The following LRCH3 variants were observed in gnomAD, a reference collection of about 807,000 sequenced individuals.
LRCH3 encodes DISP complex protein LRCH3.
A neutral mutation model predicts 104.5 loss-of-function variants in LRCH3; 68 were observed. The observed-to-expected ratio is 0.65, with a 90% CI of 0.54 to 0.80. The LOEUF (loss-of-function observed/expected upper bound fraction) is 0.80. LRCH3 is among the 30% of genes least tolerant of loss of function. LRCH3 has a pLI of 0.00. For synonymous variants in LRCH3, 344 were observed against 361.3 expected, an observed-to-expected ratio of 0.95 and a Z score of 0.54; for missense variants, 951 against 953.9, an observed-to-expected ratio of 1.00 and a Z score of 0.04.
chr3:197,834,259 A>G (rs1307079490), intron 8 of LRCH3, among the ~76,000 whole-genome samples: 1 of 152,234 alleles, frequency 6.6e-6, no homozygotes, highest in Non-Finnish European at 1.5e-5. Flanking sequence ...GGGATTCCCA[A>G]ACTTAGCAGA....
intron 17 of LRCH3, among the ~76,000 whole-genome samples, chr3:197,867,309 C>G (rs544634079): frequency 6.6e-6 from 1 of 151,964 alleles, no homozygotes; most frequent in Non-Finnish European, 1.5e-5. Flanking sequence ...ATCCCAGCTA[C>G]TCGGGAGGCT....
intron 1 of LRCH3, among the ~76,000 whole-genome samples, chr3:197,799,203 GT>G (rs142453634): frequency 2.0e-3 from 304 of 152,278 alleles, no homozygotes; most frequent in Middle Eastern, 3.4e-3. Flanking sequence ...GATGGTTAAC[GT>G]TACTTCATGT....
chr3:197,793,295 T>C (rs1359042477), intron 1 of LRCH3, among the ~76,000 whole-genome samples: 1 of 152,162 alleles, frequency 6.6e-6, no homozygotes, highest in Non-Finnish European at 1.5e-5. Context: ...ATTTAATCTC[T>C]TTTTGGAAAC....
At chr3:197,808,580 A>G (rs1181692497) in intron 1 of LRCH3, among the ~76,000 whole-genome samples, 1 of 152,166 alleles carries the variant, frequency 6.6e-6, no homozygotes, top group African/African-American at 2.4e-5. Flanking sequence ...TGCTGGATAT[A>G]TATACAATTC....
chr3:197,882,463 T>G (rs1713853608), intron 20 of LRCH3: 1 of 950,410 alleles, frequency 1.1e-6, no homozygotes, highest in Admixed American at 6.2e-5. Context: ...TTGTTATATA[T>G]TTTATTGTAA....
intron 1 of LRCH3, among the ~76,000 whole-genome samples, chr3:197,797,503 A>G (rs928523017): frequency 2.0e-5 from 3 of 152,162 alleles, no homozygotes; most frequent in Admixed American, 2.0e-4. Flanking sequence ...AAGAGGAATC[A>G]GTCTGGGAAA....
rs181382902 is a variant in LRCH3, at chr3:197,871,899, G to A, written c.2130+437G>A. Among the ~76,000 whole-genome samples, 481 of 152,280 alleles carry A rather than the reference G, an allele frequency of 3.2e-3. 3 individuals are homozygous for A. The highest frequency in any genetic ancestry group is 2.2e-3 in the Non-Finnish European group (151 of 68,020). ...ATTGGTAAATTGTTCAGAATGGATC[G>A]TGCACAGGGTTGTAATACAAATGGT... On this transcript the variant is annotated intron_variant, in intron 19 of 20. Transcript: ENST00000425562.
At chr3:197,825,463 G>GTTT (rs1491060533) in intron 4 of LRCH3, among the ~76,000 whole-genome samples, 5 of 29,388 alleles carry the variant, frequency 1.7e-4, no homozygotes, top group South Asian at 1.1e-3. Flanking sequence ...GATCCTCTTT[G>GTTT]ATTTTTTTTT....
At chr3:197,881,136 C>A in intron 20 of LRCH3, 2 of 1,021,424 alleles carry the variant, frequency 2.0e-6, no homozygotes, top group South Asian at 3.9e-5. Flanking sequence ...AGTGACTGAA[C>A]CTTTGCAGCA....
chr3:197,866,671 A>G (rs1741521889), intron 17 of LRCH3, among the ~76,000 whole-genome samples: 1 of 152,218 alleles, frequency 6.6e-6, no homozygotes, highest in Admixed American at 6.5e-5. Context: ...CAAAAATAAC[A>G]ACTTTTATCA....
At chr3:197,801,386 CTG>C (rs1462725576) in intron 1 of LRCH3, among the ~76,000 whole-genome samples, 1 of 152,100 alleles carries the variant, frequency 6.6e-6, no homozygotes, top group African/African-American at 2.4e-5. Context: ...TGGAAATACT[CTG>C]TTTCATGACC....
intron 10 of LRCH3, among the ~76,000 whole-genome samples, chr3:197,846,597 C>T (rs1295872838): frequency 1.3e-5 from 2 of 151,442 alleles, no homozygotes; most frequent in Non-Finnish European, 1.5e-5. Context: ...GGCTGGAGCC[C>T]AGGAGGTCAA....
intron 1 of LRCH3, among the ~76,000 whole-genome samples, chr3:197,795,549 A>G (rs1019323041): frequency 6.6e-6 from 1 of 152,146 alleles, no homozygotes; most frequent in African/African-American, 2.4e-5. Context: ...AAGCAGAGCC[A>G]AAAGATGGAA....
In LRCH3 at chr3:197,817,249, A is replaced by G. The variant is rs754577411; in HGVS notation, c.481A>G (p.Lys161Glu). Residue 161 changes from lysine (K) to glutamate (E), a missense_variant, in exon 3 of 21, where the codon AAA becomes GAA. By Grantham distance (56) the Lys-to-Glu change is moderately conservative. Coordinates refer to ENST00000425562, the MANE Select transcript of LRCH3 (RefSeq NM_001365715.1). ...PLKVLIASNN[K>E]LVSLPEEIGH... is the part of the protein sequence containing the mutation. ...GAAAGTCTTAATTGCTAGTAATAAC[A>G]AATTGGTGTCACTTCCAGAAGAAAT... 1 of 1,611,434 alleles carries G rather than the reference A, an allele frequency of 6.2e-7. No individual in the cohort carries two copies. The highest frequency in any genetic ancestry group is 1.3e-5 in the African/African-American group (1 of 74,644).
chr3:197,807,247 C>T (rs150781819), intron 1 of LRCH3, among the ~76,000 whole-genome samples: 1,710 of 146,976 alleles, frequency 0.012, 34 homozygotes, highest in East Asian at 0.048. Context: ...GACGGAGTCT[C>T]GTTCTGTCGC....
chr3:197,868,266 T>C (rs1711580915), intron 17 of LRCH3, among the ~76,000 whole-genome samples: 1 of 152,200 alleles, frequency 6.6e-6, no homozygotes, highest in Non-Finnish European at 1.5e-5. Flanking sequence ...ATAATACTAA[T>C]TTTGAAATAC....
At chr3:197,791,826 G>A (rs1730554145) in intron 1 of LRCH3, among the ~76,000 whole-genome samples, 1 of 152,172 alleles carries the variant, frequency 6.6e-6, no homozygotes, top group Non-Finnish European at 1.5e-5. Flanking sequence ...CACGGCGGAG[G>A]TAGACCCTTG....
At chr3:197,859,703 G>A (rs1259268772) in intron 15 of LRCH3, among the ~76,000 whole-genome samples, 1 of 151,928 alleles carries the variant, frequency 6.6e-6, no homozygotes, top group Admixed American at 6.5e-5. Flanking sequence ...CTGTCCTGCT[G>A]TGGTTTATAC....
chr3:197,852,005 TATG>T (rs746276002), intron 12 of LRCH3, among the ~76,000 whole-genome samples: 1 of 152,328 alleles, frequency 6.6e-6, no homozygotes, highest in African/African-American at 2.4e-5. Context: ...TCTAAATGAA[TATG>T]ATGATGATAT....
Sources: gnomAD v4.1 joint callset for allele counts (sites outside exome capture counted in the v4.1 genomes callset) on GRCh38, gnomAD v4.1.1 for gene constraint, MANE v1.5 for transcripts, NCBI Gene and HGNC (gene_info 2026-07-23, HGNC 2026-07-21) for gene names.